MAGI2: variants seen among roughly 807,000 people sequenced by gnomAD.
MAGI2 encodes the protein membrane-associated guanylate kinase, WW and PDZ domain-containing protein 2.
In MAGI2, 35 loss-of-function variants were observed where a neutral mutation model predicts 133.3. That is an observed-to-expected ratio of 0.26 (90% CI 0.20 to 0.35). MAGI2 has a LOEUF of 0.35. MAGI2 is among the 10% of genes least tolerant of loss of function. MAGI2 has a pLI of 1.00. For missense variants in MAGI2, 1,636 were observed against 1,863.4 expected (o/e 0.88, Z 2.25); for synonymous variants, 729 against 710.6 (o/e 1.03, Z -0.41).
At chr7:78,275,948 G>GCTAA (rs1375318257) in intron 9 of MAGI2, among the ~76,000 whole-genome samples, 2 of 152,094 alleles carry the variant, frequency 1.3e-5, no homozygotes, top group African/African-American at 4.8e-5. Flanking sequence ...ACACAGACAT[G>GCTAA]CTAACTTTTC....
intron 6 of MAGI2, among the ~76,000 whole-genome samples, chr7:78,416,014 T>C (rs1476796025): frequency 6.6e-6 from 1 of 152,042 alleles, no homozygotes; most frequent in African/African-American, 2.4e-5. Flanking sequence ...GGGAGCAGAA[T>C]GGAGAAGAAT....
At chr7:78,083,381 A>AGGGGGGG (rs201638758) in intron 20 of MAGI2, among the ~76,000 whole-genome samples, 2 of 19,474 alleles carry the variant, frequency 1.0e-4, no homozygotes, top group African/African-American at 3.9e-4. Flanking sequence ...GGAGGGAGGG[A>AGGGGGGG]GGGGGGGAGA....
At chr7:79,427,041 T>A (rs1322891988) in intron 1 of MAGI2, among the ~76,000 whole-genome samples, 2 of 152,186 alleles carry the variant, frequency 1.3e-5, no homozygotes, top group East Asian at 1.9e-4. Flanking sequence ...TAAAATATTG[T>A]TATGATTTGA....
chr7:78,994,458 A>G (rs1235541745), intron 2 of MAGI2, among the ~76,000 whole-genome samples: 1 of 152,084 alleles, frequency 6.6e-6, no homozygotes, highest in African/African-American at 2.4e-5. Flanking sequence ...TTAACCCACT[A>G]CCATTTTCAT....
intron 9 of MAGI2, among the ~76,000 whole-genome samples, chr7:78,341,816 G>T (rs1041485806): frequency 6.6e-5 from 10 of 152,000 alleles, no homozygotes; most frequent in African/African-American, 2.4e-4. Flanking sequence ...AACTCAAGAT[G>T]GATTAAAGAC....
At chr7:79,254,696 C>T (rs886329766) in intron 1 of MAGI2, among the ~76,000 whole-genome samples, 3 of 152,160 alleles carry the variant, frequency 2.0e-5, no homozygotes, top group African/African-American at 7.2e-5. Flanking sequence ...TTCCATGAAT[C>T]TTCTACTTTT....
chr7:78,673,440 G>C (rs73145158), intron 2 of MAGI2, among the ~76,000 whole-genome samples: 9,495 of 151,872 alleles, frequency 0.063, 415 homozygotes, highest in East Asian at 0.11. Flanking sequence ...CAAGTACTTG[G>C]TCACAGTCCA....
chr7:78,824,410 C>T (rs1223318156), intron 2 of MAGI2, among the ~76,000 whole-genome samples: 1 of 152,154 alleles, frequency 6.6e-6, no homozygotes, highest in Non-Finnish European at 1.5e-5. Flanking sequence ...AAAAGGATTC[C>T]CATTTCTCCA....
intron 1 of MAGI2, among the ~76,000 whole-genome samples, chr7:79,101,552 G>A (rs973959596): frequency 4.0e-5 from 6 of 151,802 alleles, no homozygotes; most frequent in Non-Finnish European, 5.9e-5. Context: ...GTGAAACCCC[G>A]TCTCCACTAA....
At chr7:78,531,755 T>A (rs1797491143) in intron 3 of MAGI2, among the ~76,000 whole-genome samples, 2 of 152,170 alleles carry the variant, frequency 1.3e-5, no homozygotes, top group Admixed American at 1.3e-4. Flanking sequence ...TCATATAACT[T>A]CCTTCTCCCA....
intron 3 of MAGI2, among the ~76,000 whole-genome samples, chr7:78,555,769 T>C (rs1799770947): frequency 6.6e-6 from 1 of 152,212 alleles, no homozygotes; most frequent in Admixed American, 6.5e-5. Flanking sequence ...AGTCAATGAC[T>C]ACACTTAGAT....
At chr7:78,552,372 G>A (rs554987146) in intron 3 of MAGI2, among the ~76,000 whole-genome samples, 4 of 151,630 alleles carry the variant, frequency 2.6e-5, no homozygotes, top group Admixed American at 2.6e-4. Context: ...TGGTAGAGAT[G>A]GGGTTTCACC....
chr7:79,014,778 A>G (rs778163132), intron 1 of MAGI2, among the ~76,000 whole-genome samples: 1 of 152,166 alleles, frequency 6.6e-6, no homozygotes, highest in Non-Finnish European at 1.5e-5. Context: ...AGATTATTAA[A>G]CTGAAGAAAA....
rs373995422 is a variant in MAGI2, at chr7:78,572,922, G to C, written c.539-51277C>G. Reference sequence around the variant, plus strand: ...GGTGATCCGCCTCACTCGGCCTCACGATTACAGGCATGAGCCACCATGCCT... The same window carrying C: ...GGTGATCCGCCTCACTCGGCCTCACCATTACAGGCATGAGCCACCATGCCT... On this transcript the variant is annotated intron_variant, in intron 3 of 21. Transcript: ENST00000354212. 1.2e-3 allele frequency among the ~76,000 whole-genome samples: 177 copies of C among 149,138 alleles called. 6 individuals are homozygous for C. The South Asian group carries it at 0.036, about 30-fold the overall frequency.
intron 1 of MAGI2, among the ~76,000 whole-genome samples, chr7:79,234,911 CT>C (rs1164835312): frequency 1.3e-5 from 2 of 151,978 alleles, no homozygotes; most frequent in Non-Finnish European, 2.9e-5. Context: ...TGTTTTTTCC[CT>C]ATCTTTGTGG....
intron 2 of MAGI2, among the ~76,000 whole-genome samples, chr7:78,811,450 G>A (rs924774408): frequency 2.0e-5 from 3 of 151,694 alleles, no homozygotes; most frequent in African/African-American, 7.3e-5. Context: ...ATTTTATCCG[G>A]AATCTAGCAA....
At chr7:78,541,652 CA>C (rs1271146277) in intron 3 of MAGI2, among the ~76,000 whole-genome samples, 27 of 152,166 alleles carry the variant, frequency 1.8e-4, no homozygotes, top group African/African-American at 6.5e-4. Context: ...GAGAAATGCA[CA>C]TTCTCAGGCC....
At chr7:78,823,359 G>A (rs554709127) in intron 2 of MAGI2, among the ~76,000 whole-genome samples, 1 of 151,902 alleles carries the variant, frequency 6.6e-6, no homozygotes, top group African/African-American at 2.4e-5. Context: ...CGAGGCGGGT[G>A]GATCACGAGG....
At chr7:79,049,023 A>T (rs1209022330) in intron 1 of MAGI2, among the ~76,000 whole-genome samples, 2 of 152,222 alleles carry the variant, frequency 1.3e-5, no homozygotes, top group Non-Finnish European at 2.9e-5. Flanking sequence ...TGGTTTTTAG[A>T]CAAGCAAATG....
Sources: gnomAD v4.1 joint callset for allele counts (sites outside exome capture counted in the v4.1 genomes callset) on GRCh38, gnomAD v4.1.1 for gene constraint, MANE v1.5 for transcripts, NCBI Gene and HGNC (gene_info 2026-07-23, HGNC 2026-07-21) for gene names.